Variants in YEATS2 observed in about 807,000 individuals in gnomAD.
YEATS2 encodes YEATS domain-containing protein 2.
Under a neutral mutation model 163.2 loss-of-function variants are expected in YEATS2, and 77 were observed. That is an observed-to-expected ratio of 0.47 (90% CI 0.39 to 0.57). YEATS2 has a LOEUF of 0.57. Among genes scored for constraint, YEATS2 ranks in the 20% least tolerant of loss-of-function variants. The probability of loss-of-function intolerance (pLI) is 0.00; values close to 1 mark genes in which losing one functional copy is unlikely to be tolerated. For missense variants in YEATS2, 1,549 were observed against 1,729.8 expected (o/e 0.90, Z 1.85); for synonymous variants, 631 against 645.1 (o/e 0.98, Z 0.33).
intron 12 of YEATS2, among the ~76,000 whole-genome samples, chr3:183,757,706 TTTG>T (rs1256085601): frequency 2.3e-4 from 35 of 152,180 alleles, no homozygotes; most frequent in Middle Eastern, 3.2e-3. Flanking sequence ...GACTGATTTT[TTTG>T]TTGTTGTTTG....
chr3:183,777,356 A>C (rs1723100608), intron 18 of YEATS2, among the ~76,000 whole-genome samples, 186 bp from the exon 19 acceptor site: 1 of 152,204 alleles, frequency 6.6e-6, no homozygotes, highest in Non-Finnish European at 1.5e-5. Flanking sequence ...AGAAGTGGGG[A>C]TAACTAATGG....
intron 25 of YEATS2, chr3:183,801,855 C>G: frequency 4.9e-6 from 1 of 202,324 alleles, no homozygotes; most frequent in South Asian, 8.6e-5. Context: ...CTGCAGTGTA[C>G]CAGGTCCTGT....
intron 21 of YEATS2, among the ~76,000 whole-genome samples, chr3:183,796,973 A>G (rs1725207660): frequency 6.6e-6 from 1 of 152,086 alleles, no homozygotes; most frequent in Admixed American, 6.6e-5. Flanking sequence ...GTTCACATCT[A>G]TAATCCCAGT....
chr3:183,708,927 C>T (rs1033090316), intron 1 of YEATS2, among the ~76,000 whole-genome samples: 4 of 151,934 alleles, frequency 2.6e-5, no homozygotes, highest in African/African-American at 4.8e-5. Context: ...TTTGGGAGGC[C>T]GAGGTGGGCG....
intron 19 of YEATS2, among the ~76,000 whole-genome samples, chr3:183,779,126 G>C (rs535472333): frequency 6.6e-6 from 1 of 151,798 alleles, no homozygotes; most frequent in Non-Finnish European, 1.5e-5. Flanking sequence ...GGTCAGGCTG[G>C]TCTCGAACTC....
At chr3:183,799,017 C>A in intron 23 of YEATS2, 28 bp downstream of exon 23, 1 of 1,569,020 alleles carries the variant, frequency 6.4e-7, no homozygotes, top group Non-Finnish European at 8.8e-7. Context: ...GAGTTCTCGT[C>A]CAGAAGTTTT....
At chr3:183,781,010 T>A (rs1449188031) in intron 19 of YEATS2, among the ~76,000 whole-genome samples, 4 of 152,218 alleles carry the variant, frequency 2.6e-5, no homozygotes, top group African/African-American at 9.6e-5. Flanking sequence ...AATACTCTTC[T>A]AAATTCTTGG....
At chr3:183,805,864 C>G (rs1475736649) in intron 27 of YEATS2, among the ~76,000 whole-genome samples, 1 of 152,014 alleles carries the variant, frequency 6.6e-6, no homozygotes, top group Admixed American at 6.6e-5. Flanking sequence ...CCTCTCCTTT[C>G]TCTCATCTCC....
intron 1 of YEATS2, 70 bp from the exon 2 acceptor site, chr3:183,715,074 A>G (rs1454661156): frequency 3.7e-6 from 3 of 820,158 alleles, no homozygotes; most frequent in East Asian, 5.2e-5. Flanking sequence ...AAGTACTGGT[A>G]TGCAGTGTTA....
chr3:183,748,818 C>G (rs561802950), intron 9 of YEATS2, among the ~76,000 whole-genome samples: 3 of 151,936 alleles, frequency 2.0e-5, no homozygotes, highest in Admixed American at 1.3e-4. Flanking sequence ...AGGCTGGTCT[C>G]GAATTCTTGG....
chr3:183,707,678 ATTT>A (rs1176429941), intron 1 of YEATS2, among the ~76,000 whole-genome samples: 1 of 106,122 alleles, frequency 9.4e-6, no homozygotes, highest in East Asian at 2.9e-4. Flanking sequence ...TTCCCCACCT[ATTT>A]TTTTTTTTTT....
In YEATS2 at chr3:183,717,746, C is replaced by T; in HGVS notation, c.196C>T (p.Gln66Ter). The T allele has an allele frequency of 6.5e-7, 1 of 1,531,678 alleles. No homozygotes were observed. The highest frequency in any genetic ancestry group is 8.7e-7 in the Non-Finnish European group (1 of 1,143,818). 94.9% of individuals were successfully genotyped at this position (1,531,678 alleles called of 1,614,324 possible). A position where few individuals can be genotyped will look rare whatever the true frequency, so the allele number is the denominator to read the frequency against. ...NKEHEIEVID[Q>*]RLIEARRMMD... ...GGAACATGAAATTGAAGTCATTGAC[C>T]AGGTATAATGATGATAAATTGAAAT... The change falls in exon 3 of 31, where the codon CAG becomes TAG. Residue 66 changes from glutamine to a stop codon, truncating the protein, a stop_gained and splice_region_variant. Coordinates refer to ENST00000305135, the MANE Select transcript of YEATS2 (RefSeq NM_018023.5). LOFTEE classifies it high-confidence loss of function.
At chr3:183,805,845 G>A (rs1726140988) in intron 27 of YEATS2, among the ~76,000 whole-genome samples, 1 of 152,006 alleles carries the variant, frequency 6.6e-6, no homozygotes, top group African/African-American at 2.4e-5. Flanking sequence ...AGAGCCTAAT[G>A]CAGGATGGCC....
chr3:183,784,691 C>T lies in YEATS2; in HGVS notation c.2737-1434C>T, dbSNP rs563473594. Among the ~76,000 whole-genome samples, 5 of 151,924 alleles carry T rather than the reference C, an allele frequency of 3.3e-5. No homozygotes were observed. In the South Asian group the frequency reaches 1.0e-3, roughly 32 times the overall value. On this transcript the variant is annotated intron_variant, in intron 19 of 30. Transcript: ENST00000305135. ...GTAACATTTTATTGGAACACAGCCA[C>T]ACTCGTTTCACGCTGTAATCGTAGA...
intron 7 of YEATS2, among the ~76,000 whole-genome samples, chr3:183,730,052 GTTTTTTTTTTTT>G (rs869091775): frequency 0.011 from 462 of 41,580 alleles, 1 homozygote; most frequent in African/African-American, 0.036. Context: ...TTTTTTGTTT[GTTTTTTTTTTTT>G]TTTTTTTTTT....
chr3:183,807,009 G>A lies in YEATS2; in HGVS notation c.3928G>A (p.Glu1310Lys), dbSNP rs758454040. Residue 1310 changes from glutamate (E) to lysine (K), a missense_variant, in exon 28 of 31, where the codon GAG (glutamate) becomes AAG (lysine). Physicochemically the swap from Glu to Lys is moderately conservative, Grantham distance 56. Coordinates refer to ENST00000305135, the MANE Select transcript of YEATS2 (RefSeq NM_018023.5). ...GCCAGTGAAGATAAACATCAAGAAG[G>A]AGCAGGAAGAGAAACAAGAGGAAGT... Reference protein sequence around the residue: ...SEPVKINIKKEQEEKQEEVKF... With the variant: ...SEPVKINIKKKQEEKQEEVKF... The A allele has an allele frequency of 1.2e-6, 2 of 1,614,000 alleles. No individual in the cohort carries two copies. Among genetic ancestry groups the A allele is most frequent in the Non-Finnish European group, 1.7e-6 (2 of 1,180,032 alleles).
intron 8 of YEATS2, among the ~76,000 whole-genome samples, chr3:183,744,185 T>C (rs1437555162): frequency 7.4e-6 from 1 of 135,738 alleles, no homozygotes; most frequent in Non-Finnish European, 1.5e-5. Context: ...CAATCTCAGC[T>C]CACTGCAACC....
chr3:183,764,365 G>GT (rs1486435433), intron 15 of YEATS2, among the ~76,000 whole-genome samples: 5 of 64,970 alleles, frequency 7.7e-5, no homozygotes, highest in African/African-American at 3.0e-4. Context: ...GTGAAACTCT[G>GT]TTTAAAAAAA....
intron 19 of YEATS2, among the ~76,000 whole-genome samples, chr3:183,779,740 C>T (rs922397749): frequency 6.6e-6 from 1 of 151,970 alleles, no homozygotes; most frequent in Non-Finnish European, 1.5e-5. Context: ...GCTCTGTCGC[C>T]AGGCTGGAGT....
Sources: gnomAD v4.1 joint callset for allele counts (sites outside exome capture counted in the v4.1 genomes callset) on GRCh38, gnomAD v4.1.1 for gene constraint, MANE v1.5 for transcripts, NCBI Gene and HGNC (gene_info 2026-07-23, HGNC 2026-07-21) for gene names.